GJA5: variants seen among roughly 807,000 people sequenced by gnomAD.
GJA5 encodes gap junction protein alpha 5, also known as gap junction alpha-5 protein.
In GJA5, 3 loss-of-function variants were observed where a neutral mutation model predicts 7.9. That is an observed-to-expected ratio of 0.38 (90% CI 0.17 to 0.99). GJA5 has a LOEUF of 0.99. Ranked by LOEUF, GJA5 falls within the 50% of genes least tolerant of loss-of-function variation. The probability of loss-of-function intolerance (pLI) is 0.38; values close to 1 mark genes in which losing one functional copy is unlikely to be tolerated. For missense variants in GJA5, 390 were observed against 457.9 expected, an observed-to-expected ratio of 0.85 and a Z score of 1.35; for synonymous variants, 193 against 181.0, an observed-to-expected ratio of 1.07 and a Z score of -0.53.
At chr1:147,771,857 C>T (rs587681887) in intron 1 of GJA5, among the ~76,000 whole-genome samples, 5 of 152,286 alleles carry the variant, frequency 3.3e-5, no homozygotes, top group Admixed American at 6.5e-5. Context: ...GCTCTGCCGC[C>T]GGGCAACTTG....
At chr1:147,772,714 T>A (rs2148966653) in intron 1 of GJA5, among the ~76,000 whole-genome samples, 1 of 140,752 alleles carries the variant, frequency 7.1e-6, no homozygotes, top group Middle Eastern at 3.8e-3. Context: ...ATGTGGCCAC[T>A]GCACAGCGGG....
At chr1:147,773,021 C>T (rs1664471048) in intron 1 of GJA5, among the ~76,000 whole-genome samples, 1 of 152,134 alleles carries the variant, frequency 6.6e-6, no homozygotes, top group Non-Finnish European at 1.5e-5. Context: ...ACTCGCAATT[C>T]TTCATCTCCC....
chr1:147,772,081 G>A (rs1457068565), intron 1 of GJA5, among the ~76,000 whole-genome samples: 2 of 152,120 alleles, frequency 1.3e-5, no homozygotes, highest in East Asian at 3.9e-4. Context: ...ACCTCCACAC[G>A]CTCCCCTTGG....
upstream of GJA5, among the ~76,000 whole-genome samples, chr1:147,763,350 T>C (rs1393548648): frequency 6.6e-6 from 1 of 152,184 alleles, no homozygotes; most frequent in Non-Finnish European, 1.5e-5. Flanking sequence ...AGACATTAAA[T>C]ACATGATTTC....
chr1:147,765,975 G>A (rs1479199239), intron 1 of GJA5, among the ~76,000 whole-genome samples: 1 of 152,154 alleles, frequency 6.6e-6, no homozygotes, highest in East Asian at 1.9e-4. Flanking sequence ...CTACCATAGG[G>A]ATGCCTTGAA....
At chr1:147,763,151 A>T (rs1050992493), upstream of GJA5, among the ~76,000 whole-genome samples, 5 of 152,146 alleles carry the variant, frequency 3.3e-5, no homozygotes, top group African/African-American at 4.8e-5. Flanking sequence ...TCACCCATTT[A>T]TCTTGGCTTC....
chr1:147,758,829 T>A lies in GJA5; in HGVS notation c.410A>T (p.Glu137Val). 6.2e-7 allele frequency: 1 copy of A among 1,614,186 alleles called. No individual in the cohort carries two copies. The highest frequency in any genetic ancestry group is 8.5e-7 in the Non-Finnish European group (1 of 1,180,022). ...GAGGGCAATCCTTCCATTCCCTTCC[T>A]CCCAGCAGGACAGTTCTGCCTTCTC... is the stretch of plus-strand genomic sequence containing the variant. ...VAEKAELSCW[E>V]EGNGRIALQG... Residue 137 changes from glutamate (E) to valine (V), a missense_variant, in exon 2 of 2, where the codon GAG (glutamate) becomes GTG (valine). Glu to Val is a moderately radical substitution (Grantham distance 121). This residue lies in a region of GJA5 where 354 missense variants were observed against 370.9 expected (regional missense o/e 0.95). Coordinates refer to ENST00000579774, the MANE Select transcript of GJA5 (RefSeq NM_181703.4).
chr1:147,772,650 C>T (rs1449362780), intron 1 of GJA5, among the ~76,000 whole-genome samples: 1 of 152,176 alleles, frequency 6.6e-6, no homozygotes, highest in Non-Finnish European at 1.5e-5. Flanking sequence ...GCCTTCCTCG[C>T]TGGTTTCACA....
In GJA5 at chr1:147,758,416, G is replaced by A. The variant is rs782523810; in HGVS notation, c.823C>T (p.Pro275Ser). The change falls in exon 2 of 2, where the codon CCT (proline) becomes TCT (serine). Residue 275 changes from proline to serine, a missense_variant. By Grantham distance (74) the Pro-to-Ser change is moderately conservative. This residue lies in a region of GJA5 where 354 missense variants were observed against 370.9 expected (regional missense o/e 0.95). Transcript: ENST00000579774. Reference protein sequence around the residue: ...PDFNQCLENGPGGKFFNPFSN... With the variant: ...PDFNQCLENGSGGKFFNPFSN... The stretch of plus-strand genomic sequence containing the variant: ...AAGGGATTGAAGAATTTTCCCCCAG[G>A]GCCATTCTCCAGGCACTGATTAAAG... The A allele has an allele frequency of 6.2e-6, 10 of 1,613,970 alleles. No homozygotes were observed. The East Asian group carries it at 2.0e-4, about 32-fold the overall frequency.
At chr1:147,759,760 G>C (rs1663915576) in intron 1 of GJA5, among the ~76,000 whole-genome samples, 1 of 152,200 alleles carries the variant, frequency 6.6e-6, no homozygotes, top group Non-Finnish European at 1.5e-5. Flanking sequence ...TTATCGAATG[G>C]GGATGGGAAT....
intron 1 of GJA5, among the ~76,000 whole-genome samples, chr1:147,771,759 G>T (rs1664410804): frequency 6.6e-6 from 1 of 152,180 alleles, no homozygotes; most frequent in Non-Finnish European, 1.5e-5. Context: ...TCTCTGCTCT[G>T]CAGACTGTGG....
rs782301284 is a variant in GJA5 at position 147,758,937 on chromosome 1, C to T, written c.302G>A (p.Arg101His). The T allele has an allele frequency of 6.2e-7, 1 of 1,614,240 alleles. No homozygotes were observed. Among genetic ancestry groups the T allele is most frequent in the Non-Finnish European group, 8.5e-7 (1 of 1,180,044 alleles). The change falls in exon 2 of 2, where the codon CGC becomes CAC. Residue 101 changes from arginine to histidine, a missense_variant. Physicochemically the swap from Arg to His is conservative, Grantham distance 29. This residue lies in a region of GJA5 where 354 missense variants were observed against 370.9 expected (regional missense o/e 0.95). Coordinates refer to ENST00000579774, the MANE Select transcript of GJA5 (RefSeq NM_181703.4). ...VYMGHAMHTVRMQEKRKLREA... is the reference protein window; with the variant it reads ...VYMGHAMHTVHMQEKRKLREA... ...CCGTAGCTTGCGCTTCTCCTGCATG[C>T]GCACAGTGTGCATGGCGTGGCCCAT... is the stretch of plus-strand genomic sequence containing the variant.
upstream of GJA5, among the ~76,000 whole-genome samples, chr1:147,763,134 C>T (rs188137215): frequency 2.0e-5 from 3 of 152,324 alleles, no homozygotes; most frequent in African/African-American, 7.2e-5. Context: ...GTGCATCTCA[C>T]CATTTCTCAC....
chr1:147,761,173 C>T (rs1209900446), upstream of GJA5, among the ~76,000 whole-genome samples: 1 of 152,136 alleles, frequency 6.6e-6, no homozygotes, highest in Non-Finnish European at 1.5e-5. Flanking sequence ...AGCCTCTAAC[C>T]ATTCCTAACC....
intron 1 of GJA5, among the ~76,000 whole-genome samples, chr1:147,766,087 G>T (rs927667549): frequency 2.0e-5 from 3 of 152,126 alleles, no homozygotes; most frequent in Non-Finnish European, 4.4e-5. Context: ...CCCCAAGTCA[G>T]CAGCTGGGCC....
At chr1:147,772,663 C>T (rs1664452214) in intron 1 of GJA5, among the ~76,000 whole-genome samples, 1 of 152,084 alleles carries the variant, frequency 6.6e-6, no homozygotes, top group Admixed American at 6.6e-5. Context: ...GTTTCACATG[C>T]CTCTTTCCTC....
upstream of GJA5, among the ~76,000 whole-genome samples, chr1:147,763,071 C>G (rs1214383085): frequency 2.0e-5 from 3 of 152,212 alleles, no homozygotes; most frequent in African/African-American, 7.2e-5. Flanking sequence ...CATTTTTCCA[C>G]TTTTCCACTC....
At chr1:147,770,129 A>T (rs1664343414) in intron 1 of GJA5, among the ~76,000 whole-genome samples, 1 of 152,142 alleles carries the variant, frequency 6.6e-6, no homozygotes, top group Non-Finnish European at 1.5e-5. Flanking sequence ...TGAATCATGG[A>T]GTTGCCAGGT....
intron 1 of GJA5, among the ~76,000 whole-genome samples, chr1:147,772,674 C>T (rs1192457160): frequency 1.3e-5 from 2 of 151,896 alleles, no homozygotes; most frequent in Admixed American, 6.6e-5. Flanking sequence ...CTCTTTCCTC[C>T]GGCTGCAAGT....
Sources: allele counts gnomAD v4.1 joint callset (sites outside exome capture counted in the v4.1 genomes callset), GRCh38; gene constraint gnomAD v4.1.1; regional missense constraint gnomAD v4.1.1; transcripts MANE v1.5; gene names NCBI Gene and HGNC (gene_info 2026-07-23, HGNC 2026-07-21).